Variants in NID1 observed in about 807,000 individuals in gnomAD.
NID1 encodes the protein nidogen 1, also known as nidogen-1.
Under a neutral mutation model 130.6 loss-of-function variants are expected in NID1, and 76 were observed. The ratio of observed to expected loss-of-function variants is 0.58; its 90% CI spans 0.48 to 0.70. The LOEUF is 0.70. Ranked by LOEUF, NID1 falls within the 30% of genes least tolerant of loss-of-function variation. The pLI is 0.00. For synonymous variants in NID1, 665 were observed against 675.1 expected, an observed-to-expected ratio of 0.98 and a Z score of 0.23; for missense variants, 1,517 against 1,664.8, an observed-to-expected ratio of 0.91 and a Z score of 1.54.
rs1322150851 is a variant in NID1 at position 236,045,597 on chromosome 1, A to G, written c.612T>C (p.His204=). ...FLYPEDGLQF[H]TTFSKKENNQ... ...TGTTTTCCTTCTTTGAGAATGTCGT[A>G]TGGAACTGCAGACCATCCTCAGGAT... Residue 204 remains histidine, a synonymous_variant, in exon 3 of 20, where the codon CAT becomes CAC. Transcript: ENST00000264187. 1.2e-6 allele frequency: 2 copies of G among 1,614,078 alleles called. No homozygotes were observed. Among genetic ancestry groups the G allele is most frequent in the Non-Finnish European group, 1.7e-6 (2 of 1,180,036 alleles).
At position 236,029,454 on chromosome 1, in the gene NID1, C is replaced by T; in HGVS notation, c.1738+96G>A. ...CCCGGTGTATTTCCCTCTCCAGATC[C>T]CAGAGACAGCCCCAGTTCACGGCTG... On this transcript the variant is annotated intron_variant, in intron 7 of 19. Coordinates refer to ENST00000264187, the MANE Select transcript of NID1 (RefSeq NM_002508.3). 4 of 1,215,972 alleles carry T rather than the reference C, an allele frequency of 3.3e-6. No homozygotes were observed. The East Asian group carries it at 7.7e-5, about 23-fold the overall frequency. The allele number at this position is 1,215,972 out of a possible 1,614,324, so 75.3% of individuals were successfully genotyped here.
At chr1:236,005,904 C>T (rs1658233856) in intron 12 of NID1, among the ~76,000 whole-genome samples, 2 of 152,178 alleles carry the variant, frequency 1.3e-5, no homozygotes, top group Non-Finnish European at 1.5e-5. Flanking sequence ...ACAGGAACCA[C>T]TCTGACTTAA....
chr1:236,047,908 C>A (rs1162075370), intron 2 of NID1, among the ~76,000 whole-genome samples: 1 of 151,328 alleles, frequency 6.6e-6, no homozygotes, highest in African/African-American at 2.4e-5. Context: ...TGCCTGTAAT[C>A]CCAGCTACTC....
In NID1 at chr1:235,985,414, A is replaced by G; in HGVS notation, c.3020T>C (p.Leu1007Pro). The G allele has an allele frequency of 3.7e-6, 6 of 1,614,120 alleles. No individual in the cohort carries two copies. The highest frequency in any genetic ancestry group is 5.1e-6 in the Non-Finnish European group (6 of 1,179,990). Residue 1007 changes from leucine (L) to proline (P), a missense_variant, in exon 15 of 20, where the codon CTA (leucine) becomes CCA (proline). By Grantham distance (98) the Leu-to-Pro change is moderately conservative. Around this residue, in one of 3 missense-constraint regions of NID1, gnomAD observed 1,329 missense variants for 1,429.2 expected, o/e 0.93. Transcript: ENST00000264187. ...GATGGTGGTTGGCTCTCCACCATGTAGACTAGCTCTCCCAATGGAAGGCTC... is the reference window on the plus strand; with the variant it reads ...GATGGTGGTTGGCTCTCCACCATGTGGACTAGCTCTCCCAATGGAAGGCTC... ...ITEPSIGRASLHGGEPTTIIR... is the reference protein window; with the variant it reads ...ITEPSIGRASPHGGEPTTIIR...
intron 9 of NID1, among the ~76,000 whole-genome samples, chr1:236,021,152 C>T (rs1266654523): frequency 1.3e-5 from 2 of 152,186 alleles, no homozygotes; most frequent in Non-Finnish European, 2.9e-5. Context: ...CGCATGCCAG[C>T]CGTCTCACAG....
intron 1 of NID1, among the ~76,000 whole-genome samples, chr1:236,064,208 T>C (rs976742551): frequency 6.6e-6 from 1 of 152,168 alleles, no homozygotes; most frequent in Non-Finnish European, 1.5e-5. Context: ...GTAGGTCATC[T>C]GGTCCCGCTC....
chr1:236,045,833 A>G (rs903188628), intron 2 of NID1, 150 bp from the exon 3 acceptor site: 5 of 638,266 alleles, frequency 7.8e-6, no homozygotes, highest in African/African-American at 7.3e-5. Flanking sequence ...TTGTAGCAAG[A>G]ACCTAGGATT....
chr1:235,984,660 G>C (rs1657523468), intron 15 of NID1, among the ~76,000 whole-genome samples: 1 of 152,208 alleles, frequency 6.6e-6, no homozygotes. Context: ...CAAGTCAGTT[G>C]ATGAGTCGCT....
intron 3 of NID1, 63 bp downstream of exon 3, chr1:236,045,394 A>C: frequency 8.2e-7 from 1 of 1,220,264 alleles, no homozygotes; most frequent in Non-Finnish European, 1.2e-6. Context: ...TATAATACAC[A>C]TTACATTATC....
intron 12 of NID1, among the ~76,000 whole-genome samples, chr1:236,006,367 C>T (rs562306085): frequency 1.3e-5 from 2 of 152,166 alleles, no homozygotes; most frequent in African/African-American, 2.4e-5. Flanking sequence ...CATACACTCC[C>T]GATGAAAGAT....
intron 4 of NID1, among the ~76,000 whole-genome samples, chr1:236,039,701 C>G (rs1022157810): frequency 2.0e-5 from 3 of 152,116 alleles, no homozygotes; most frequent in Non-Finnish European, 4.4e-5. Flanking sequence ...TTGACTGTTA[C>G]GAGTGAAGAG....
intron 12 of NID1, among the ~76,000 whole-genome samples, chr1:235,999,823 G>T (rs1241152165): frequency 6.6e-6 from 1 of 152,146 alleles, no homozygotes; most frequent in Non-Finnish European, 1.5e-5. Context: ...TCAGCCGAGG[G>T]CATTCCAAAG....
chr1:236,031,518 G>A (rs1242274271), intron 6 of NID1, among the ~76,000 whole-genome samples: 1 of 152,244 alleles, frequency 6.6e-6, no homozygotes, highest in Non-Finnish European at 1.5e-5. Flanking sequence ...GTGCAGCCTG[G>A]ATGGAGACCC....
intron 15 of NID1, among the ~76,000 whole-genome samples, chr1:235,982,476 C>T (rs982087276): frequency 1.3e-5 from 2 of 152,152 alleles, no homozygotes; most frequent in African/African-American, 4.8e-5. Context: ...TGAAATAATA[C>T]TTTCAAGAAA....
intron 1 of NID1, among the ~76,000 whole-genome samples, chr1:236,052,097 A>G (rs1181204704): frequency 6.6e-6 from 1 of 152,244 alleles, no homozygotes; most frequent in Non-Finnish European, 1.5e-5. Context: ...TGTAATGTGC[A>G]GAACAGCCAG....
chr1:236,001,129 A>G (rs1658063491), intron 12 of NID1, among the ~76,000 whole-genome samples: 1 of 140,148 alleles, frequency 7.1e-6, no homozygotes, highest in African/African-American at 2.7e-5. Context: ...TTTTTTGGAG[A>G]CAGAATATCA....
At chr1:236,016,110 G>C (rs115029814) in intron 10 of NID1, among the ~76,000 whole-genome samples, 1,780 of 151,386 alleles carry the variant, frequency 0.012, 15 homozygotes, top group Non-Finnish European at 0.02. Context: ...AAAAAGCAGA[G>C]AAAGAAATCA....
intron 1 of NID1, among the ~76,000 whole-genome samples, chr1:236,053,136 C>T (rs1266266766): frequency 6.6e-6 from 1 of 152,208 alleles, no homozygotes; most frequent in African/African-American, 2.4e-5. Flanking sequence ...CCATTATTCA[C>T]TGATTCATCA....
At chr1:236,064,166 C>G (rs957768523) in intron 1 of NID1, among the ~76,000 whole-genome samples, 1 of 152,220 alleles carries the variant, frequency 6.6e-6, no homozygotes, top group African/African-American at 2.4e-5. Flanking sequence ...CGACCCCAGG[C>G]CCGGCCAGTC....
Sources: allele counts gnomAD v4.1 joint callset (sites outside exome capture counted in the v4.1 genomes callset), GRCh38; gene constraint gnomAD v4.1.1; regional missense constraint gnomAD v4.1.1; transcripts MANE v1.5; gene names NCBI Gene and HGNC (gene_info 2026-07-23, HGNC 2026-07-21).